Variants in TMC2 observed in about 807,000 individuals in gnomAD.
TMC2 encodes the protein transmembrane channel like 2.
TMC2 carries 102 observed loss-of-function variants against 105.9 expected under a neutral mutation model. The ratio of observed to expected loss-of-function variants is 0.96; its 90% CI spans 0.82 to 1.14. The LOEUF is 1.14. Ranked by LOEUF, TMC2 falls within the 50% of genes most tolerant of loss-of-function variation. The probability of loss-of-function intolerance (pLI) is 0.00; values close to 1 mark genes in which losing one functional copy is unlikely to be tolerated. For missense variants in TMC2, 1,093 were observed against 1,134.3 expected, an observed-to-expected ratio of 0.96 and a Z score of 0.52; for synonymous variants, 402 against 422.8, an observed-to-expected ratio of 0.95 and a Z score of 0.60.
chr20:2,594,596 A>G (rs910920057), intron 8 of TMC2, among the ~76,000 whole-genome samples: 11 of 152,088 alleles, frequency 7.2e-5, no homozygotes, highest in African/African-American at 1.4e-4. Context: ...CATGCACTCT[A>G]TGTAATGAGG....
Position 2,598,939 on chromosome 20 carries a change from A to C in TMC2, c.1224+1641A>C, listed in dbSNP as rs532280274. 2.6e-5 allele frequency among the ~76,000 whole-genome samples: 4 copies of C among 152,350 alleles called. No homozygotes were observed. In the South Asian group the frequency reaches 8.3e-4, roughly 32 times the overall value. On this transcript the variant is annotated intron_variant, in intron 10 of 19. Coordinates refer to ENST00000358864, the MANE Select transcript of TMC2 (RefSeq NM_080751.3). ...TTTCCTGTGTGTACATGTCCAAAAA[A>C]AAGGTACAACAAAGCAGAAAAACCC...
At position 2,558,400 on chromosome 20, in the gene TMC2, T is replaced by C; in HGVS notation, c.83-56T>C. Reference sequence around the variant, plus strand: ...GTCTGATTTCTCACGGCCGGGGACATTTTCCTGGGCCTGAGGCCGTTGGAA... The same window carrying C: ...GTCTGATTTCTCACGGCCGGGGACACTTTCCTGGGCCTGAGGCCGTTGGAA... On this transcript the variant is annotated intron_variant, in intron 2 of 19. Coordinates refer to ENST00000358864, the MANE Select transcript of TMC2 (RefSeq NM_080751.3). The surrounding 1 kb of genome is among the most constrained non-coding windows in gnomAD (Gnocchi z 4.6). 1 of 1,544,702 alleles carries C rather than the reference T, an allele frequency of 6.5e-7. No individual in the cohort carries two copies. Among genetic ancestry groups the C allele is most frequent in the East Asian group, 2.5e-5 (1 of 40,816 alleles).
intron 4 of TMC2, among the ~76,000 whole-genome samples, chr20:2,567,735 G>A (rs1568507919): frequency 1.3e-5 from 2 of 151,928 alleles, no homozygotes; most frequent in South Asian, 2.1e-4. Flanking sequence ...ATGCTTCAAT[G>A]AGCAATTGTG....
chr20:2,637,295 G>C (rs1208427522), intron 18 of TMC2, among the ~76,000 whole-genome samples, 179 bp from the exon 19 acceptor site: 1 of 151,146 alleles, frequency 6.6e-6, no homozygotes, highest in East Asian at 2.0e-4. Context: ...GCTGAGGGCA[G>C]GAGAATCGCT....
At chr20:2,627,009 G>T (rs2086569470) in intron 17 of TMC2, among the ~76,000 whole-genome samples, 1 of 152,160 alleles carries the variant, frequency 6.6e-6, no homozygotes, top group South Asian at 2.1e-4. Context: ...CTGTTTGATT[G>T]ATCACGGGTT....
Position 2,617,100 on chromosome 20 carries a change from G to T in TMC2, c.1969G>T (p.Val657Leu). The part of the protein sequence containing the change: ...WMGSFYAPGL[V>L]GINVLRLLTS... Reference sequence around the variant, plus strand: ...GGGCTCCTTCTATGCTCCAGGCCTGGTGGGCATTAATGTGCTGCGCCTGCT... The same window carrying T: ...GGGCTCCTTCTATGCTCCAGGCCTGTTGGGCATTAATGTGCTGCGCCTGCT... Residue 657 changes from valine (V) to leucine (L), a missense_variant, in exon 16 of 20, where the codon GTG becomes TTG. Coordinates refer to ENST00000358864, the MANE Select transcript of TMC2 (RefSeq NM_080751.3). The T allele has an allele frequency of 1.2e-6, 2 of 1,614,196 alleles. No individual in the cohort carries two copies. Among genetic ancestry groups the T allele is most frequent in the South Asian group, 1.1e-5 (1 of 91,080 alleles).
intron 10 of TMC2, among the ~76,000 whole-genome samples, chr20:2,598,129 A>G (rs1456897373): frequency 6.6e-6 from 1 of 152,178 alleles, no homozygotes; most frequent in Admixed American, 6.5e-5. Flanking sequence ...CCAAAATCTC[A>G]GAAATCACCA....
intron 4 of TMC2, among the ~76,000 whole-genome samples, chr20:2,570,060 TAAG>T (rs1052335891): frequency 6.6e-6 from 1 of 152,184 alleles, no homozygotes; most frequent in African/African-American, 2.4e-5. Context: ...GAATTTCCCT[TAAG>T]AACTGGAACA....
chr20:2,622,968 CT>C (rs2086536446), intron 16 of TMC2, among the ~76,000 whole-genome samples: 1 of 151,874 alleles, frequency 6.6e-6, no homozygotes, highest in Non-Finnish European at 1.5e-5. Flanking sequence ...GATGGGGAAA[CT>C]GGGGCAGAGA....
At chr20:2,583,834 G>A (rs975597724) in intron 7 of TMC2, among the ~76,000 whole-genome samples, 5 of 152,110 alleles carry the variant, frequency 3.3e-5, no homozygotes, top group Non-Finnish European at 7.4e-5. Context: ...AATTTTGGTT[G>A]CAGCCTTGTG....
chr20:2,601,888 CTATT>C (rs1186812953), intron 10 of TMC2, among the ~76,000 whole-genome samples: 3 of 152,088 alleles, frequency 2.0e-5, no homozygotes, highest in Non-Finnish European at 4.4e-5. Flanking sequence ...CACATGGTGA[CTATT>C]TAAGAAATCT....
rs995757108 is a variant in TMC2 at position 2,537,279 on chromosome 20, A to C, written c.45A>C (p.Gly15=). 8 of 1,603,840 alleles carry C rather than the reference A, an allele frequency of 5.0e-6. No homozygotes were observed. In the African/African-American group the frequency reaches 5.4e-5, roughly 11 times the overall value. The change falls in exon 2 of 20, where the codon GGA becomes GGC. Residue 15 remains glycine, a synonymous_variant. Transcript: ENST00000358864. The part of the protein sequence containing the change: ...VKGLKEEARG[G]VKGRVKSGSP... ...TCCTGTCTCTTACAGCACGAGGCGG[A>C]GTGAAAGGGCGGGTGAAGAGCGGCT... is the stretch of plus-strand genomic sequence containing the variant.
intron 2 of TMC2, among the ~76,000 whole-genome samples, chr20:2,548,414 G>A (rs1333045131): frequency 1.1e-4 from 17 of 152,158 alleles, no homozygotes; most frequent in South Asian, 6.2e-4. Context: ...CAAGGCAGGC[G>A]GATCACCCGA....
intron 10 of TMC2, 41 bp from the exon 11 acceptor site, chr20:2,602,072 C>G: frequency 6.7e-7 from 1 of 1,484,596 alleles, no homozygotes; most frequent in Non-Finnish European, 9.2e-7. Flanking sequence ...TCTGGCATTT[C>G]TGGCCTGACA....
intron 1 of TMC2, among the ~76,000 whole-genome samples, chr20:2,536,895 G>A (rs2085853211): frequency 6.6e-6 from 1 of 152,200 alleles, no homozygotes; most frequent in African/African-American, 2.4e-5. Context: ...GACAACCTGT[G>A]CACAGCACCT....
chr20:2,592,465 G>T lies in TMC2; in HGVS notation c.933+57G>T, dbSNP rs1462962005. On this transcript the variant is annotated intron_variant, in intron 8 of 19. Coordinates refer to ENST00000358864, the MANE Select transcript of TMC2 (RefSeq NM_080751.3). This position sits in a 1 kb window ranked among gnomAD's most constrained non-coding sequence, Gnocchi z 4.9. ...TTTGTGATTATAAAGGCTAAAGATT[G>T]CATGGATAAGTATGAAATAGTGCGT... 8.6e-7 allele frequency: 1 copy of T among 1,157,878 alleles called. No homozygotes were observed. 71.7% of individuals were successfully genotyped at this position (1,157,878 alleles called of 1,614,324 possible). A position where few individuals can be genotyped will look rare whatever the true frequency, so the allele number is the denominator to read the frequency against.
chr20:2,638,442 TTACTA>T (rs768862977), intron 19 of TMC2, among the ~76,000 whole-genome samples: 21 of 152,228 alleles, frequency 1.4e-4, no homozygotes, highest in Non-Finnish European at 2.2e-4. Flanking sequence ...GCTTATGTGT[TTACTA>T]TACTATACTT....
At chr20:2,624,054 C>T (rs956594119) in intron 16 of TMC2, among the ~76,000 whole-genome samples, 2 of 152,350 alleles carry the variant, frequency 1.3e-5, no homozygotes, top group East Asian at 1.9e-4. Context: ...GATAGAAAGC[C>T]GGTGAGCCGT....
intron 5 of TMC2, 56 bp downstream of exon 5, chr20:2,572,325 T>G: frequency 6.9e-7 from 1 of 1,443,046 alleles, no homozygotes; most frequent in African/African-American, 1.4e-5. Flanking sequence ...CTTTGGAATC[T>G]GGCGACCAAC....
Sources: allele counts gnomAD v4.1 joint callset (sites outside exome capture counted in the v4.1 genomes callset), GRCh38; gene constraint gnomAD v4.1.1; non-coding constraint Gnocchi (gnomAD v3.1); transcripts MANE v1.5; gene names NCBI Gene and HGNC (gene_info 2026-07-23, HGNC 2026-07-21).